MSRA: variants seen among roughly 807,000 people sequenced by gnomAD.
MSRA encodes the protein mitochondrial peptide methionine sulfoxide reductase.
A neutral mutation model predicts 31.3 loss-of-function variants in MSRA; 54 were observed. That is an observed-to-expected ratio of 1.73 (90% CI 1.39 to 2.17). MSRA has a LOEUF of 2.17. Among genes scored for constraint, MSRA ranks in the 30% most tolerant of loss-of-function variants. The pLI is 0.00. For synonymous variants in MSRA, 169 were observed against 116.5 expected (o/e 1.45, Z -2.90); for missense variants, 507 against 300.9 (o/e 1.69, Z -5.07).
intron 1 of MSRA, among the ~76,000 whole-genome samples, chr8:10,176,197 T>C (rs766498233): frequency 1.3e-5 from 2 of 152,174 alleles, no homozygotes; most frequent in Non-Finnish European, 2.9e-5. Context: ...TGTCACATTA[T>C]GGTTTTAAAA....
intron 2 of MSRA, among the ~76,000 whole-genome samples, chr8:10,244,491 C>G (rs1563262238): frequency 6.6e-6 from 1 of 152,156 alleles, no homozygotes; most frequent in African/African-American, 2.4e-5. Flanking sequence ...CCCTGCCTCC[C>G]TTCCAAACCC....
intron 1 of MSRA, among the ~76,000 whole-genome samples, chr8:10,063,128 A>G (rs1797291080): frequency 6.6e-6 from 1 of 152,142 alleles, no homozygotes; most frequent in Non-Finnish European, 1.5e-5. Context: ...GATTGACTAC[A>G]TATTTTAATT....
rs559248178 is a variant in MSRA at position 10,106,237 on chromosome 8, C to T, written c.142+51579C>T. Reference sequence around the variant, plus strand: ...GACTTTCTTAAGGACAGTGGCCATACGCTTTGCTCAGTCAATTCCAGTTGG... The same window carrying T: ...GACTTTCTTAAGGACAGTGGCCATATGCTTTGCTCAGTCAATTCCAGTTGG... On this transcript the variant is annotated intron_variant, in intron 1 of 5. Transcript: ENST00000317173. 1.8e-4 allele frequency among the ~76,000 whole-genome samples: 27 copies of T among 152,270 alleles called. 2 individuals are homozygous for T. The South Asian group carries it at 4.6e-3, about 26-fold the overall frequency.
chr8:10,311,760 C>T (rs1454172137), intron 4 of MSRA, among the ~76,000 whole-genome samples: 3 of 151,712 alleles, frequency 2.0e-5, no homozygotes, highest in Admixed American at 6.6e-5. Context: ...CAAGAAATTT[C>T]AAAAAAACTA....
chr8:10,183,348 C>T lies in MSRA; in HGVS notation c.143-24485C>T, dbSNP rs539361650. ...ATGTGTCATCTGGTACTTACGGCCTCTGTTTGCCAGGGGCTAAGTGTGATA... is the reference window on the plus strand; with the variant it reads ...ATGTGTCATCTGGTACTTACGGCCTTTGTTTGCCAGGGGCTAAGTGTGATA... On this transcript the variant is annotated intron_variant, in intron 1 of 5. Transcript: ENST00000317173. Among the ~76,000 whole-genome samples, 281 of 152,252 alleles carry T rather than the reference C, an allele frequency of 1.8e-3. 2 individuals are homozygous for T. The highest frequency in any genetic ancestry group is 6.4e-3 in the African/African-American group (268 of 41,560).
chr8:10,175,107 C>T (rs951338387), intron 1 of MSRA, among the ~76,000 whole-genome samples: 1 of 152,198 alleles, frequency 6.6e-6, no homozygotes, highest in Admixed American at 6.5e-5. Context: ...TTTCCCACAA[C>T]TTTTCTGCAC....
intron 2 of MSRA, among the ~76,000 whole-genome samples, chr8:10,234,145 AC>A (rs1448842189): frequency 6.6e-6 from 1 of 152,146 alleles, no homozygotes; most frequent in Non-Finnish European, 1.5e-5. Context: ...TTACTATAAA[AC>A]CCTTTTAAAG....
intron 5 of MSRA, among the ~76,000 whole-genome samples, chr8:10,362,831 G>A (rs1477303730): frequency 2.0e-5 from 3 of 151,842 alleles, no homozygotes; most frequent in Admixed American, 6.6e-5. Flanking sequence ...CCGCGCCACC[G>A]GGAGCTGCCC....
rs931342024 is a variant in MSRA, at chr8:10,213,023, C to G, written c.211+5122C>G. The stretch of plus-strand genomic sequence containing the variant: ...GGTGTCTGTCCCCTCAAACATTTAT[C>G]CTTTATGTTACAAACAATCCAATTA... On this transcript the variant is annotated intron_variant, in intron 2 of 5. Transcript: ENST00000317173. Among the ~76,000 whole-genome samples, 4 of 152,100 alleles carry G rather than the reference C, an allele frequency of 2.6e-5. No homozygotes were observed. In the South Asian group the frequency reaches 8.3e-4, roughly 32 times the overall value.
intron 2 of MSRA, among the ~76,000 whole-genome samples, chr8:10,224,791 T>C (rs1810850227): frequency 6.6e-6 from 1 of 152,222 alleles, no homozygotes; most frequent in Non-Finnish European, 1.5e-5. Context: ...CTGCACTCCT[T>C]AGTCTGACAT....
At chr8:10,271,419 G>C (rs4490835) in intron 3 of MSRA, among the ~76,000 whole-genome samples, 13,899 of 111,802 alleles carry the variant, frequency 0.12, 890 homozygotes, top group Admixed American at 0.25. Flanking sequence ...GACCAAATAC[G>C]ATGTGAGGAC....
chr8:10,382,072 C>G (rs1417969101), intron 5 of MSRA, among the ~76,000 whole-genome samples: 1 of 152,162 alleles, frequency 6.6e-6, no homozygotes, highest in Admixed American at 6.5e-5. Flanking sequence ...AAACTGAGTC[C>G]CAGTGAAGTT....
At chr8:10,293,281 G>A (rs756410311) in intron 3 of MSRA, among the ~76,000 whole-genome samples, 11 of 152,252 alleles carry the variant, frequency 7.2e-5, no homozygotes, top group East Asian at 5.8e-4. Context: ...GGCCAGGTGC[G>A]TGGGTAAGCT....
At chr8:10,165,121 C>A (rs1386554823) in intron 1 of MSRA, among the ~76,000 whole-genome samples, 1 of 152,038 alleles carries the variant, frequency 6.6e-6, no homozygotes, top group African/African-American at 2.4e-5. Context: ...AAAAAGGCTC[C>A]CCAGGTAATT....
At chr8:10,366,329 T>G (rs1475993413) in intron 5 of MSRA, among the ~76,000 whole-genome samples, 2 of 152,198 alleles carry the variant, frequency 1.3e-5, no homozygotes, top group Non-Finnish European at 2.9e-5. Context: ...AGTTTGAAAC[T>G]CTGTGCCACA....
chr8:10,371,077 C>G (rs1805448041), intron 5 of MSRA, among the ~76,000 whole-genome samples: 2 of 152,206 alleles, frequency 1.3e-5, no homozygotes, highest in African/African-American at 2.4e-5. Context: ...TGCTAACCCA[C>G]TGCACCCCTG....
chr8:10,156,455 G>T (rs1385101523), intron 1 of MSRA, among the ~76,000 whole-genome samples: 2 of 152,180 alleles, frequency 1.3e-5, no homozygotes, highest in Non-Finnish European at 2.9e-5. Context: ...GTGTGTATGA[G>T]AGAGAGGGGA....
At chr8:10,423,821 T>C (rs1268900294) in intron 5 of MSRA, among the ~76,000 whole-genome samples, 2 of 152,204 alleles carry the variant, frequency 1.3e-5, no homozygotes, top group Non-Finnish European at 2.9e-5. Context: ...GAGGAGGTGC[T>C]GGGTCTTGAG....
chr8:10,311,131 C>A (rs1474152086), intron 4 of MSRA, among the ~76,000 whole-genome samples: 2 of 152,156 alleles, frequency 1.3e-5, no homozygotes, highest in Non-Finnish European at 2.9e-5. Flanking sequence ...GCTGGTAACA[C>A]TGGCAGGAAC....
Sources: allele counts gnomAD v4.1 joint callset (sites outside exome capture counted in the v4.1 genomes callset), GRCh38; gene constraint gnomAD v4.1.1; transcripts MANE v1.5; gene names NCBI Gene and HGNC (gene_info 2026-07-23, HGNC 2026-07-21).